GNG12: variants seen among roughly 807,000 people sequenced by gnomAD.
The protein encoded by GNG12 is guanine nucleotide-binding protein G(I)/G(S)/G(O) subunit gamma-12.
For missense variants in GNG12, 69 were observed against 83.8 expected, an observed-to-expected ratio of 0.82 and a Z score of 0.69; for synonymous variants, 28 against 29.7, an observed-to-expected ratio of 0.94 and a Z score of 0.19.
intron 1 of GNG12, among the ~76,000 whole-genome samples, chr1:67,811,368 T>C (rs979547077): frequency 1.3e-5 from 2 of 152,104 alleles, no homozygotes; most frequent in Admixed American, 6.5e-5. Flanking sequence ...CCATTAGAGA[T>C]ACTACAATTT....
At chr1:67,725,015 T>C (rs992918325) in intron 2 of GNG12, among the ~76,000 whole-genome samples, 8 of 152,212 alleles carry the variant, frequency 5.3e-5, no homozygotes, top group African/African-American at 1.9e-4. Flanking sequence ...ATTTCCTTCT[T>C]TAGATCATGA....
At chr1:67,728,179 T>C (rs547231462) in intron 2 of GNG12, among the ~76,000 whole-genome samples, 1 of 152,160 alleles carries the variant, frequency 6.6e-6, no homozygotes, top group Non-Finnish European at 1.5e-5. Context: ...GGGCAGCTCT[T>C]TTCATGCATC....
intron 1 of GNG12, among the ~76,000 whole-genome samples, chr1:67,811,753 T>A (rs1646927255): frequency 6.6e-6 from 1 of 152,128 alleles, no homozygotes; most frequent in African/African-American, 2.4e-5. Flanking sequence ...TATGTTTCAA[T>A]CAAAGTTTGG....
chr1:67,823,281 T>A (rs1386098340), intron 1 of GNG12, among the ~76,000 whole-genome samples: 1 of 152,212 alleles, frequency 6.6e-6, no homozygotes, highest in East Asian at 1.9e-4. Context: ...GAGGGAGAAA[T>A]TCTAGGCTAG....
At chr1:67,734,044 T>C (rs963078313) in intron 2 of GNG12, among the ~76,000 whole-genome samples, 2 of 152,080 alleles carry the variant, frequency 1.3e-5, no homozygotes, top group African/African-American at 4.8e-5. Flanking sequence ...TGCAGGAAAC[T>C]TGAGTTCCTT....
intron 2 of GNG12, among the ~76,000 whole-genome samples, chr1:67,737,424 G>A (rs1336780281): frequency 6.6e-6 from 1 of 152,162 alleles, no homozygotes; most frequent in Admixed American, 6.5e-5. Context: ...ACAGTCACAT[G>A]GATGGTAAGA....
intron 2 of GNG12, among the ~76,000 whole-genome samples, chr1:67,750,765 C>T (rs886728176): frequency 6.6e-6 from 1 of 152,168 alleles, no homozygotes; most frequent in Non-Finnish European, 1.5e-5. Context: ...TACATGCAGT[C>T]TTATTGAGCT....
chr1:67,766,857 C>T (rs1039817616), intron 2 of GNG12, among the ~76,000 whole-genome samples: 14 of 152,160 alleles, frequency 9.2e-5, no homozygotes, highest in African/African-American at 3.4e-4. Flanking sequence ...TCGCTTCCCC[C>T]TCACGGAAAG....
chr1:67,730,619 T>C (rs1332093997), intron 2 of GNG12, among the ~76,000 whole-genome samples: 1 of 152,090 alleles, frequency 6.6e-6, no homozygotes, highest in African/African-American at 2.4e-5. Flanking sequence ...AGTTGGGATA[T>C]TGGTTTCCTT....
intron 2 of GNG12, among the ~76,000 whole-genome samples, chr1:67,766,750 G>A (rs1366748942): frequency 1.3e-5 from 2 of 152,052 alleles, no homozygotes; most frequent in Non-Finnish European, 2.9e-5. Flanking sequence ...AGGTCTGAGT[G>A]CCTGCCCTCC....
intron 2 of GNG12, among the ~76,000 whole-genome samples, chr1:67,750,485 A>C (rs1319715932): frequency 6.6e-6 from 1 of 152,060 alleles, no homozygotes; most frequent in African/African-American, 2.4e-5. Flanking sequence ...ACACTCCTTT[A>C]TTTCTTTTGT....
intron 1 of GNG12, among the ~76,000 whole-genome samples, chr1:67,806,144 A>T (rs1646893549): frequency 6.6e-6 from 1 of 152,162 alleles, no homozygotes; most frequent in Admixed American, 6.6e-5. Context: ...ATGTTAAAAG[A>T]AGTTCTTCAG....
intron 1 of GNG12, among the ~76,000 whole-genome samples, chr1:67,808,744 T>C (rs939899938): frequency 6.6e-6 from 1 of 152,116 alleles, no homozygotes; most frequent in Non-Finnish European, 1.5e-5. Flanking sequence ...TCTAACAACA[T>C]GTATAAGATC....
chr1:67,761,061 G>C (rs1486262902), intron 2 of GNG12, among the ~76,000 whole-genome samples: 1 of 152,202 alleles, frequency 6.6e-6, no homozygotes, highest in Non-Finnish European at 1.5e-5. Context: ...AGTTGTGCTA[G>C]ATACTGGAAG....
chr1:67,732,734 C>T lies in GNG12; in HGVS notation c.-26-25022G>A, dbSNP rs116735122. Among the ~76,000 whole-genome samples, 435 of 152,332 alleles carry T rather than the reference C, an allele frequency of 2.9e-3. 2 individuals carry two copies. The highest frequency in any genetic ancestry group is 0.019 in the South Asian group (94 of 4,824). On this transcript the variant is annotated intron_variant, in intron 2 of 3. Coordinates refer to ENST00000370982, the MANE Select transcript of GNG12 (RefSeq NM_018841.6). ...AGGCAAAAGGAGATTTAATGACTTG[C>T]CCAAGGTCCCCCAGGACTAGGGAAA...
intron 1 of GNG12, among the ~76,000 whole-genome samples, chr1:67,807,267 T>C (rs973909746): frequency 2.6e-5 from 4 of 151,942 alleles, no homozygotes; most frequent in South Asian, 2.1e-4. Context: ...TCAAAACTTA[T>C]GGGATGAAGC....
At chr1:67,748,171 A>G (rs1239419617) in intron 2 of GNG12, among the ~76,000 whole-genome samples, 3 of 152,184 alleles carry the variant, frequency 2.0e-5, no homozygotes, top group Non-Finnish European at 4.4e-5. Flanking sequence ...GGGGCAGGGA[A>G]AGGAGAGAAC....
At position 67,764,554 on chromosome 1, in the gene GNG12, G is replaced by C. The variant is rs115234150; in HGVS notation, c.-27+12904C>G. 3.2e-3 allele frequency among the ~76,000 whole-genome samples: 485 copies of C among 152,228 alleles called. 3 individuals are homozygous for C. Among genetic ancestry groups the C allele is most frequent in the African/African-American group, 0.011 (457 of 41,518 alleles). On this transcript the variant is annotated intron_variant, in intron 2 of 3. Coordinates refer to ENST00000370982, the MANE Select transcript of GNG12 (RefSeq NM_018841.6). ...TTAGATACCATCCTGATGTTGCTCA[G>C]CATTGCAATTACCTGACTTTGAGGG...
intron 2 of GNG12, among the ~76,000 whole-genome samples, chr1:67,712,087 G>C (rs1646298976): frequency 6.6e-6 from 1 of 152,204 alleles, no homozygotes; most frequent in African/African-American, 2.4e-5. Flanking sequence ...CTCCTCAACA[G>C]CTGGGCTGTG....
Sources: allele counts gnomAD v4.1 joint callset (sites outside exome capture counted in the v4.1 genomes callset), GRCh38; gene constraint gnomAD v4.1.1; transcripts MANE v1.5; gene names NCBI Gene and HGNC (gene_info 2026-07-23, HGNC 2026-07-21).